The following GPM6B variants were observed in gnomAD, a reference collection of about 807,000 sequenced individuals.
GPM6B encodes neuronal membrane glycoprotein M6-b.
Under a neutral mutation model 27.2 loss-of-function variants are expected in GPM6B, and 4 were observed. That is an observed-to-expected ratio of 0.15 (90% confidence interval 0.07 to 0.34). The LOEUF is 0.34. GPM6B is among the 10% of genes least tolerant of loss of function. The pLI, the probability that GPM6B is intolerant of heterozygous loss-of-function variation, is 1.00. For synonymous variants in GPM6B, 124 were observed against 103.1 expected, an observed-to-expected ratio of 1.20 and a Z score of -1.23; for missense variants, 183 against 261.9, an observed-to-expected ratio of 0.70 and a Z score of 2.08.
chrX:13,783,178 T>C (rs1239050226), intron 4 of GPM6B, among the ~76,000 whole-genome samples, 187 bp downstream of exon 4: 2 of 112,607 alleles, frequency 1.8e-5, no homozygotes, highest in African/African-American at 3.2e-5. Context: ...CCATAGACTT[T>C]AGTTTACTAT....
At chrX:13,780,563 C>T (rs898299135) in intron 4 of GPM6B, among the ~76,000 whole-genome samples, 1 of 112,113 alleles carries the variant, frequency 8.9e-6, no homozygotes, top group Non-Finnish European at 1.9e-5. Context: ...CAAATAATCA[C>T]GAATACAAGC....
At chrX:13,890,413 C>T (rs1471143308) in intron 1 of GPM6B, among the ~76,000 whole-genome samples, 1 of 111,790 alleles carries the variant, frequency 8.9e-6, no homozygotes, top group Non-Finnish European at 1.9e-5. Flanking sequence ...TCTTAATAAA[C>T]TTGCTTTCAC....
intron 1 of GPM6B, among the ~76,000 whole-genome samples, chrX:13,909,482 T>C (rs1778651436): frequency 9.0e-6 from 1 of 111,344 alleles, no homozygotes; most frequent in South Asian, 3.8e-4. Flanking sequence ...AGATGCTCCA[T>C]GCCAGATATT....
At chrX:13,900,343 G>C (rs935857826) in intron 1 of GPM6B, among the ~76,000 whole-genome samples, 1 of 111,723 alleles carries the variant, frequency 9.0e-6, no homozygotes, top group Admixed American at 9.5e-5. Flanking sequence ...ACTTCGCCTA[G>C]AAAAAGGCCT....
chrX:13,853,732 G>A (rs183732788), intron 1 of GPM6B, among the ~76,000 whole-genome samples: 27 of 110,266 alleles, frequency 2.4e-4, no homozygotes, highest in African/African-American at 8.6e-4. Flanking sequence ...ACAATAATAT[G>A]TGTGACAGTT....
At chrX:13,819,881 G>A (rs2049288292), upstream of GPM6B, among the ~76,000 whole-genome samples, 1 of 111,892 alleles carries the variant, frequency 8.9e-6, no homozygotes, top group Non-Finnish European at 1.9e-5. Flanking sequence ...GTAATGCTTA[G>A]AAACCTGCTG....
chrX:13,927,780 C>T (rs969855832), intron 1 of GPM6B, among the ~76,000 whole-genome samples: 6 of 112,601 alleles, frequency 5.3e-5, no homozygotes, highest in Middle Eastern at 4.6e-3. Flanking sequence ...ATTCACAACT[C>T]CTCAAAATGT....
chrX:13,836,511 C>G (rs1199174409), intron 1 of GPM6B, among the ~76,000 whole-genome samples: 3 of 112,275 alleles, frequency 2.7e-5, no homozygotes, highest in Admixed American at 1.9e-4. Context: ...ATTTGTCATG[C>G]TTTAGCTGTT....
At chrX:13,896,626 G>A (rs1340629913) in intron 1 of GPM6B, among the ~76,000 whole-genome samples, 1 of 110,433 alleles carries the variant, frequency 9.1e-6, no homozygotes, top group African/African-American at 3.3e-5. Context: ...AGTGCACAGT[G>A]GTGTGATCTC....
At chrX:13,907,171 C>T (rs1275311998) in intron 1 of GPM6B, among the ~76,000 whole-genome samples, 1 of 112,291 alleles carries the variant, frequency 8.9e-6, no homozygotes, top group Non-Finnish European at 1.9e-5. Flanking sequence ...ATATCAAAGA[C>T]AGCAACTGAC....
At chrX:13,845,868 G>A (rs1158477645) in intron 1 of GPM6B, among the ~76,000 whole-genome samples, 1 of 111,694 alleles carries the variant, frequency 9.0e-6, no homozygotes, top group Non-Finnish European at 1.9e-5. Flanking sequence ...ACAGAACATG[G>A]TCAACCTCCA....
At chrX:13,933,650 G>A (rs1921688698) in intron 1 of GPM6B, among the ~76,000 whole-genome samples, 1 of 112,192 alleles carries the variant, frequency 8.9e-6, no homozygotes, top group Non-Finnish European at 1.9e-5. Context: ...AAACCAGGTT[G>A]ATTACTTTGG....
chrX:13,871,746 A>G (rs1399356889), intron 1 of GPM6B, among the ~76,000 whole-genome samples: 1 of 112,645 alleles, frequency 8.9e-6, no homozygotes, highest in African/African-American at 3.2e-5. Flanking sequence ...CACAAGCCCT[A>G]TTTCATGTGC....
intron 1 of GPM6B, among the ~76,000 whole-genome samples, chrX:13,824,576 T>A (rs1444255655): frequency 1.8e-5 from 2 of 111,780 alleles, no homozygotes. Context: ...AGAGGGCAGC[T>A]GGATGGACAG....
chrX:13,909,978 G>A (rs912085938), intron 1 of GPM6B, among the ~76,000 whole-genome samples: 2 of 111,561 alleles, frequency 1.8e-5, no homozygotes, highest in African/African-American at 6.5e-5. Context: ...AAGGCCTTTG[G>A]CACCTGTAAC....
chrX:13,787,041 CAAAAAAAAA>C (rs869123073), intron 2 of GPM6B, among the ~76,000 whole-genome samples: 6 of 24,509 alleles, frequency 2.4e-4, no homozygotes, highest in Admixed American at 7.7e-4. Flanking sequence ...ATTAAGCCAG[CAAAAAAAAA>C]AAAAAAAAAA....
chrX:13,772,795 G>T lies in GPM6B; in HGVS notation c.*86C>A. ...GTGTTTGTACATCTACATTAGTTTG[G>T]TGGGATACACATCTGTACTGCAGAG... On this transcript the variant is annotated 3_prime_UTR_variant, in exon 8 of 8. Coordinates refer to ENST00000316715, the MANE Select transcript of GPM6B (RefSeq NM_001001995.3). 1 of 896,399 alleles carries T rather than the reference G, an allele frequency of 1.1e-6. No individual in the cohort carries two copies. Among genetic ancestry groups the T allele is most frequent in the Non-Finnish European group, 1.6e-6 (1 of 630,901 alleles). The allele number at this position is 896,399 out of a possible 1,213,427, so 73.9% of individuals were successfully genotyped here.
chrX:13,921,683 A>G (rs1294455029), intron 1 of GPM6B, among the ~76,000 whole-genome samples: 1 of 108,761 alleles, frequency 9.2e-6, no homozygotes, highest in African/African-American at 3.4e-5. Context: ...TCAAGCAGCA[A>G]TTCTCCTGCC....
intron 6 of GPM6B, 39 bp downstream of exon 6, chrX:13,777,313 C>T: frequency 1.0e-6 from 1 of 1,004,672 alleles, no homozygotes; most frequent in South Asian, 1.9e-5. Context: ...TTTTCTCAGC[C>T]TAATACTCAA....
Sources: gnomAD v4.1 joint callset for allele counts (sites outside exome capture counted in the v4.1 genomes callset) on GRCh38, gnomAD v4.1.1 for gene constraint, MANE v1.5 for transcripts, NCBI Gene and HGNC (gene_info 2026-07-23, HGNC 2026-07-21) for gene names.